Variants in CDHR3 observed in about 807,000 individuals in gnomAD.
CDHR3 encodes cadherin related family member 3.
Under a neutral mutation model 86.6 loss-of-function variants are expected in CDHR3, and 79 were observed. That is an observed-to-expected ratio of 0.91 (90% CI 0.76 to 1.10). The LOEUF (loss-of-function observed/expected upper bound fraction) is 1.10, where lower values mean the gene tolerates loss of function less well. Among genes scored for constraint, CDHR3 ranks in the 50% least tolerant of loss-of-function variants. The pLI is 0.00. For missense variants in CDHR3, 1,081 were observed against 1,077.6 expected, an observed-to-expected ratio of 1.00 and a Z score of -0.04; for synonymous variants, 421 against 402.4, an observed-to-expected ratio of 1.05 and a Z score of -0.55.
At chr7:106,023,158 C>G (rs1836832755) in intron 14 of CDHR3, among the ~76,000 whole-genome samples, 2 of 152,152 alleles carry the variant, frequency 1.3e-5, no homozygotes, top group Admixed American at 1.3e-4. Context: ...ATAGGTTACC[C>G]AACCATGATC....
intron 8 of CDHR3, among the ~76,000 whole-genome samples, chr7:106,009,995 C>T (rs373124639): frequency 6.6e-6 from 1 of 152,094 alleles, no homozygotes; most frequent in South Asian, 2.1e-4. Flanking sequence ...CCAAGTTAGG[C>T]GTTTAGGGGA....
chr7:106,032,133 T>G (rs959366102), intron 18 of CDHR3, among the ~76,000 whole-genome samples: 2 of 152,234 alleles, frequency 1.3e-5, no homozygotes, highest in Non-Finnish European at 2.9e-5. Context: ...TGAGATGTCC[T>G]TGAGACGCTC....
chr7:105,974,053 G>A (rs1402534619), intron 1 of CDHR3, among the ~76,000 whole-genome samples: 2 of 152,226 alleles, frequency 1.3e-5, no homozygotes, highest in East Asian at 3.8e-4. Flanking sequence ...CATTATGGAA[G>A]GCTGAGAGAA....
chr7:106,027,991 G>A (rs933903522), intron 16 of CDHR3, among the ~76,000 whole-genome samples: 2 of 151,980 alleles, frequency 1.3e-5, no homozygotes, highest in East Asian at 3.9e-4. Context: ...GCTGGGTGTG[G>A]TAGTGTACGC....
Position 106,022,391 on chromosome 7 carries a change from G to A in CDHR3, c.2019G>A (p.Val673=), listed in dbSNP as rs756584501. The change falls in exon 14 of 19, where the codon GTG becomes GTA. Residue 673 remains valine, a synonymous_variant. Transcript: ENST00000317716. ...AGGCTCTTGTTGAGACAGGAACAGT[G>A]ACACTGAGTATTAAAGTCATTCCCC... ...KAEALVETGT[V]TLSIKVIPHP... 291 of 1,614,002 alleles carry A rather than the reference G, an allele frequency of 1.8e-4. No individual in the cohort carries two copies. The East Asian group carries it at 4.8e-3, about 27-fold the overall frequency.
rs1250075421 is a variant in CDHR3, at chr7:105,974,876, G to C, written c.79G>C (p.Ala27Pro). Residue 27 changes from alanine to proline, a missense_variant, in exon 2 of 19, where the codon GCT becomes CCT. Coordinates refer to ENST00000317716, the MANE Select transcript of CDHR3 (RefSeq NM_152750.5). ...GEALHLILLPATGNVAENSPP... is the reference protein window; with the variant it reads ...GEALHLILLPPTGNVAENSPP... ...AGCACTACACCTAATCCTCTTACCT[G>C]CTACAGGCAATGTGGCAGAGAATTC... is the stretch of plus-strand genomic sequence containing the variant. The C allele has an allele frequency of 6.2e-7, 1 of 1,613,678 alleles. No individual in the cohort carries two copies.
chr7:105,987,922 C>G (rs1256863626), intron 4 of CDHR3, among the ~76,000 whole-genome samples: 1 of 152,200 alleles, frequency 6.6e-6, no homozygotes, highest in Non-Finnish European at 1.5e-5. Flanking sequence ...CAGGGTCTTA[C>G]CTCTATCACC....
intron 3 of CDHR3, among the ~76,000 whole-genome samples, chr7:105,982,749 G>A (rs1829959538): frequency 6.6e-6 from 1 of 152,084 alleles, no homozygotes; most frequent in South Asian, 2.1e-4. Flanking sequence ...TTGGGAGGCT[G>A]AGGTGGGAGT....
intron 8 of CDHR3, among the ~76,000 whole-genome samples, chr7:106,008,047 ACTCCCC>A (rs1488377798): frequency 6.6e-6 from 1 of 151,318 alleles, no homozygotes; most frequent in Non-Finnish European, 1.5e-5. Flanking sequence ...GTGCAGGGAA[ACTCCCC>A]CTTATAAAGC....
At chr7:106,004,450 C>T (rs1413035457) in intron 7 of CDHR3, 48 bp from the exon 8 acceptor site, 2 of 1,491,436 alleles carry the variant, frequency 1.3e-6, no homozygotes, top group African/African-American at 1.4e-5. Flanking sequence ...TTCTGTATTC[C>T]TTTTCATTTC....
chr7:106,000,899 C>CAAAAA (rs35254288), intron 6 of CDHR3, among the ~76,000 whole-genome samples: 1 of 90,724 alleles, frequency 1.1e-5, no homozygotes, highest in African/African-American at 4.0e-5. Context: ...TATCCTCAGG[C>CAAAAA]AAAAAAAAAA....
chr7:106,022,542 C>A, intron 14 of CDHR3, 94 bp downstream of exon 14: 1 of 1,518,416 alleles, frequency 6.6e-7, no homozygotes, highest in Admixed American at 2.0e-5. Flanking sequence ...GTGGGGTGGA[C>A]TGAAGAGTTG....
chr7:106,030,822 G>A lies in CDHR3; in HGVS notation c.2335G>A (p.Gly779Arg). Reference protein sequence around the residue: ...ETIQMNTIFDGEAIDPVTGET... With the variant: ...ETIQMNTIFDREAIDPVTGET... ...TATCCAGATGAACACTATCTTTGAT[G>A]GAGAAGCCATAGATCCAGGTAATTA... The change falls in exon 18 of 19, where the codon GGA (glycine) becomes AGA (arginine). Residue 779 changes from glycine (G) to arginine (R), a missense_variant. Coordinates refer to ENST00000317716, the MANE Select transcript of CDHR3 (RefSeq NM_152750.5). The surrounding 1 kb of genome is among the most constrained non-coding windows in gnomAD (Gnocchi z 4.8). The A allele has an allele frequency of 1.2e-6, 2 of 1,611,178 alleles. No homozygotes were observed. Among genetic ancestry groups the A allele is most frequent in the East Asian group, 2.2e-5 (1 of 44,830 alleles).
At position 105,981,005 on chromosome 7, in the gene CDHR3, C is replaced by T. The variant is rs1457961124; in HGVS notation, c.287C>T (p.Thr96Ile). ...GGGATGGAACAACTAGATTTTGAAA[C>T]AGGACCAAACATATTTGATTTGCAG... is the stretch of plus-strand genomic sequence containing the variant. ...TTGMEQLDFE[T>I]GPNIFDLQIY... The change falls in exon 3 of 19, where the codon ACA (threonine) becomes ATA (isoleucine). Residue 96 changes from threonine (T) to isoleucine (I), a missense_variant. By Grantham distance (89) the Thr-to-Ile change is moderately conservative. Coordinates refer to ENST00000317716, the MANE Select transcript of CDHR3 (RefSeq NM_152750.5). 1 of 1,610,456 alleles carries T rather than the reference C, an allele frequency of 6.2e-7. No individual in the cohort carries two copies. Among genetic ancestry groups the T allele is most frequent in the Non-Finnish European group, 8.5e-7 (1 of 1,178,334 alleles).
intron 2 of CDHR3, among the ~76,000 whole-genome samples, chr7:105,977,379 C>A (rs2115655847): frequency 6.6e-6 from 1 of 152,344 alleles, no homozygotes; most frequent in Middle Eastern, 3.4e-3. Flanking sequence ...GGGATTCAAG[C>A]AGGGCTGTTA....
At chr7:105,974,521 GT>G (rs11335198) in intron 1 of CDHR3, among the ~76,000 whole-genome samples, 75,235 of 151,902 alleles carry the variant, frequency 0.5, 19,514 homozygotes, top group South Asian at 0.68. Flanking sequence ...GTCTCCTAAG[GT>G]GTCACAGTTC....
Position 106,032,904 on chromosome 7 carries a change from AT to A in CDHR3, c.*211del. ...GCGTGTTCTGAAATGATACAGGAACATTTTCTATCAGATTTCAGAACTACCT... is the reference window on the plus strand; with the variant it reads ...GCGTGTTCTGAAATGATACAGGAACATTTCTATCAGATTTCAGAACTACCT... On this transcript the variant is annotated 3_prime_UTR_variant, in exon 19 of 19. Coordinates refer to ENST00000317716, the MANE Select transcript of CDHR3 (RefSeq NM_152750.5). 1 of 548,806 alleles carries A rather than the reference AT, an allele frequency of 1.8e-6. No individual in the cohort carries two copies. The highest frequency in any genetic ancestry group is 3.2e-6 in the Non-Finnish European group (1 of 312,254). 34.0% of individuals were successfully genotyped at this position (548,806 alleles called of 1,614,324 possible).
At chr7:105,985,207 T>C (rs989078456) in intron 4 of CDHR3, among the ~76,000 whole-genome samples, 10 of 152,198 alleles carry the variant, frequency 6.6e-5, no homozygotes, top group African/African-American at 9.6e-5. Flanking sequence ...TAGCTGCTAG[T>C]GGGGCAAGTA....
At position 105,996,342 on chromosome 7, in the gene CDHR3, C is replaced by G; in HGVS notation, c.701C>G (p.Pro234Arg). 1 of 1,591,392 alleles carries G rather than the reference C, an allele frequency of 6.3e-7. No homozygotes were observed. The highest frequency in any genetic ancestry group is 8.6e-7 in the Non-Finnish European group (1 of 1,162,934). ...ATCGTGAACCTCAACGACGAAGTCC[C>G]TCGCTTTACCAGGTAGGCCTGAGGG... ...VNIVNLNDEVPRFTSPTRVYT... is the reference protein window; with the variant it reads ...VNIVNLNDEVRRFTSPTRVYT... Residue 234 changes from proline to arginine, a missense_variant, in exon 6 of 19, where the codon CCT becomes CGT. Physicochemically the swap from Pro to Arg is moderately radical, Grantham distance 103. Coordinates refer to ENST00000317716, the MANE Select transcript of CDHR3 (RefSeq NM_152750.5).
Sources: gnomAD v4.1 joint callset for allele counts (sites outside exome capture counted in the v4.1 genomes callset) on GRCh38, gnomAD v4.1.1 for gene constraint, Gnocchi (gnomAD v3.1) non-coding constraint, MANE v1.5 for transcripts, NCBI Gene and HGNC (gene_info 2026-07-23, HGNC 2026-07-21) for gene names.